Variants in RALGPS1 observed in about 807,000 individuals in gnomAD.
RALGPS1 encodes the protein ras-specific guanine nucleotide-releasing factor RalGPS1.
Under a neutral mutation model 78.8 loss-of-function variants are expected in RALGPS1, and 19 were observed. The ratio of observed to expected loss-of-function variants is 0.24; its 90% confidence interval spans 0.17 to 0.35. The LOEUF (loss-of-function observed/expected upper bound fraction) is 0.35, where lower values mean the gene tolerates loss of function less well. Ranked by LOEUF, RALGPS1 falls within the 10% of genes least tolerant of loss-of-function variation. The pLI is 1.00. For missense variants in RALGPS1, 454 were observed against 688.3 expected, an observed-to-expected ratio of 0.66 and a Z score of 3.81; for synonymous variants, 228 against 256.3, an observed-to-expected ratio of 0.89 and a Z score of 1.06.
chr9:127,170,571 T>A (rs930512953), intron 10 of RALGPS1, among the ~76,000 whole-genome samples: 2 of 152,124 alleles, frequency 1.3e-5, no homozygotes, highest in Admixed American at 6.5e-5. Context: ...CTGAAAAGAG[T>A]GCCCTGGAGT....
At chr9:126,990,888 G>C (rs1201628168) in intron 4 of RALGPS1, among the ~76,000 whole-genome samples, 1 of 151,996 alleles carries the variant, frequency 6.6e-6, no homozygotes, top group Admixed American at 6.6e-5. Flanking sequence ...GTTTTTTGTC[G>C]AATACATTTA....
chr9:127,112,139 A>G (rs894748126), intron 8 of RALGPS1, among the ~76,000 whole-genome samples: 1 of 152,160 alleles, frequency 6.6e-6, no homozygotes, highest in Admixed American at 6.5e-5. Flanking sequence ...CATGATTCCT[A>G]TGGCCTGCTC....
chr9:126,915,160 T>G (rs1411385856), intron 1 of RALGPS1, 185 bp downstream of exon 1: 1 of 117,346 alleles, frequency 8.5e-6, no homozygotes, highest in Admixed American at 8.6e-5. Flanking sequence ...GGGCCGTGCC[T>G]GCGGGTGCCC....
chr9:127,057,947 CTGAG>C (rs1470893572), intron 7 of RALGPS1, among the ~76,000 whole-genome samples: 1 of 152,220 alleles, frequency 6.6e-6, no homozygotes, highest in Non-Finnish European at 1.5e-5. Context: ...CAGAGAATGA[CTGAG>C]TGTCTGCTTT....
intron 1 of RALGPS1, among the ~76,000 whole-genome samples, chr9:126,932,322 T>C (rs1397910016): frequency 2.0e-5 from 3 of 152,160 alleles, no homozygotes; most frequent in South Asian, 4.1e-4. Context: ...CTTTGGAAAA[T>C]TGACATCATC....
intron 5 of RALGPS1, among the ~76,000 whole-genome samples, chr9:127,049,150 T>G (rs1335707986): frequency 2.0e-5 from 3 of 152,230 alleles, no homozygotes; most frequent in Admixed American, 2.0e-4. Context: ...CTCTCCACCT[T>G]TCTTTGCAGT....
At chr9:127,041,311 C>G (rs569389428) in intron 5 of RALGPS1, among the ~76,000 whole-genome samples, 34 of 152,156 alleles carry the variant, frequency 2.2e-4, no homozygotes, top group Non-Finnish European at 4.3e-4. Context: ...AGGTTGGTCT[C>G]GAACTCCTGA....
intron 18 of RALGPS1, 22 bp downstream of exon 18, chr9:127,214,864 T>C (rs1243403304): frequency 6.2e-7 from 1 of 1,613,122 alleles, no homozygotes; most frequent in Non-Finnish European, 8.5e-7. Flanking sequence ...AAAATCCTGC[T>C]TGTCACCTGA....
chr9:127,154,409 GT>G (rs1191260402), intron 8 of RALGPS1, among the ~76,000 whole-genome samples: 1 of 152,232 alleles, frequency 6.6e-6, no homozygotes, highest in Non-Finnish European at 1.5e-5. Context: ...TCTCATCTCC[GT>G]TGAGAAAGGC....
chr9:127,142,721 C>G (rs779312424), intron 8 of RALGPS1, among the ~76,000 whole-genome samples: 2 of 152,144 alleles, frequency 1.3e-5, no homozygotes, highest in Non-Finnish European at 2.9e-5. Flanking sequence ...AGTTAATTGC[C>G]TGGCATTTTG....
intron 14 of RALGPS1, among the ~76,000 whole-genome samples, chr9:127,206,224 C>T (rs1282015389): frequency 6.6e-6 from 1 of 152,218 alleles, no homozygotes; most frequent in Non-Finnish European, 1.5e-5. Context: ...CCTACCCAGG[C>T]TCTGTGGACT....
intron 3 of RALGPS1, among the ~76,000 whole-genome samples, chr9:126,974,967 A>C (rs2040464455): frequency 3.3e-5 from 5 of 149,552 alleles, no homozygotes; most frequent in South Asian, 2.1e-4. Context: ...CATACTTCCC[A>C]CCCCCCTTTT....
chr9:127,167,348 C>A (rs1235448920), intron 9 of RALGPS1, among the ~76,000 whole-genome samples: 1 of 152,344 alleles, frequency 6.6e-6, no homozygotes, highest in South Asian at 2.1e-4. Flanking sequence ...GTGCAGGTTT[C>A]GCCTGGCCTG....
intron 4 of RALGPS1, among the ~76,000 whole-genome samples, chr9:127,019,360 C>G (rs2045220958): frequency 6.6e-6 from 1 of 151,882 alleles, no homozygotes; most frequent in Non-Finnish European, 1.5e-5. Context: ...TGGAGTCTTG[C>G]TTTGTCGCCC....
intron 14 of RALGPS1, among the ~76,000 whole-genome samples, chr9:127,200,213 A>T (rs1264268366): frequency 6.6e-6 from 1 of 152,196 alleles, no homozygotes; most frequent in Non-Finnish European, 1.5e-5. Flanking sequence ...CTTCATAATC[A>T]TAAATTGGCC....
intron 9 of RALGPS1, among the ~76,000 whole-genome samples, chr9:127,167,466 TGTCTCTTGAAAA>T (rs916206078): frequency 1.1e-4 from 17 of 152,234 alleles, no homozygotes; most frequent in African/African-American, 4.1e-4. Context: ...ATTCCAGCTT[TGTCTCTTGAAAA>T]GTCACTTTCT....
intron 8 of RALGPS1, among the ~76,000 whole-genome samples, chr9:127,107,317 A>G (rs1017150487): frequency 1.3e-5 from 2 of 152,306 alleles, no homozygotes; most frequent in South Asian, 2.1e-4. Flanking sequence ...CCATAACGGT[A>G]TTCGGAGAAT....
At chr9:127,191,325 A>T (rs1403884649) in intron 11 of RALGPS1, among the ~76,000 whole-genome samples, 1 of 151,500 alleles carries the variant, frequency 6.6e-6, no homozygotes, top group Non-Finnish European at 1.5e-5. Context: ...ATTGTCTCCT[A>T]TTTTTTTCCC....
chr9:126,993,666 GC>G (rs1324776554), intron 4 of RALGPS1, among the ~76,000 whole-genome samples: 6 of 152,062 alleles, frequency 3.9e-5, no homozygotes, highest in African/African-American at 1.4e-4. Flanking sequence ...TTCCAACTGA[GC>G]TTTGAAGAGA....
Sources: gnomAD v4.1 joint callset for allele counts (sites outside exome capture counted in the v4.1 genomes callset) on GRCh38, gnomAD v4.1.1 for gene constraint, MANE v1.5 for transcripts, NCBI Gene and HGNC (gene_info 2026-07-23, HGNC 2026-07-21) for gene names.